Variants in CABIN1 observed in about 807,000 individuals in gnomAD.
CABIN1 encodes calcineurin binding protein 1.
In CABIN1, 133 loss-of-function variants were observed where a neutral mutation model predicts 227.7. The ratio of observed to expected loss-of-function variants is 0.58; its 90% CI spans 0.51 to 0.67. CABIN1 has a LOEUF of 0.67. CABIN1 is among the 30% of genes least tolerant of loss of function. The pLI is 0.00. For synonymous variants in CABIN1, 1,086 were observed against 1,155.1 expected (o/e 0.94, Z 1.21); for missense variants, 2,408 against 2,852.5 (o/e 0.84, Z 3.55).
intron 20 of CABIN1, 108 bp downstream of exon 20, chr22:24,083,497 C>A: frequency 8.0e-7 from 1 of 1,249,894 alleles, no homozygotes; most frequent in Non-Finnish European, 1.2e-6. Context: ...CTTGGAGTTG[C>A]ATCAGAAGGA....
intron 27 of CABIN1, among the ~76,000 whole-genome samples, chr22:24,114,055 GTTT>G (rs2042949991): frequency 7.0e-6 from 1 of 142,346 alleles, no homozygotes; most frequent in East Asian, 2.2e-4. Context: ...AGTGTGCTCT[GTTT>G]TTGTTGTTGT....
At chr22:24,155,997 A>G (rs2045768399) in intron 29 of CABIN1, 2 of 569,730 alleles carry the variant, frequency 3.5e-6, no homozygotes, top group Non-Finnish European at 3.1e-6. Flanking sequence ...GCCGCGAGCG[A>G]GAGAGCGAAC....
rs1397055648 is a variant in CABIN1, at chr22:24,119,495, C to T, written c.4429C>T (p.Leu1477=). 1.2e-6 allele frequency: 2 copies of T among 1,613,990 alleles called. No homozygotes were observed. The highest frequency in any genetic ancestry group is 1.7e-6 in the Non-Finnish European group (2 of 1,180,044). ...CAAGCCCTCAGCATCCACACCCACC[C>T]TGTGGGATGGGAAGAAGAGAGGGGA... ...PGKPSASTPT[L]WDGKKRGDLP... Residue 1477 remains leucine (L), a synonymous_variant, in exon 28 of 37, where the codon CTG becomes TTG. Coordinates refer to ENST00000263119, the MANE Select transcript of CABIN1 (RefSeq NM_012295.4).
intron 19 of CABIN1, among the ~76,000 whole-genome samples, chr22:24,079,518 A>G (rs2040668590): frequency 6.6e-6 from 1 of 152,210 alleles, no homozygotes; most frequent in Non-Finnish European, 1.5e-5. Context: ...TATACTTTTG[A>G]TAGCTGTGTG....
At position 24,059,346 on chromosome 22, in the gene CABIN1, C is replaced by A; in HGVS notation, c.1382C>A (p.Ala461Asp). 4 of 1,614,144 alleles carry A rather than the reference C, an allele frequency of 2.5e-6. No homozygotes were observed. The highest frequency in any genetic ancestry group is 1.3e-5 in the African/African-American group (1 of 75,048). The change falls in exon 11 of 37, where the codon GCC becomes GAC. Residue 461 changes from alanine to aspartate, a missense_variant. Ala to Asp is a moderately radical substitution (Grantham distance 126). Around this residue, in one of 3 missense-constraint regions of CABIN1, gnomAD observed 1,045 missense variants for 1,168.4 expected, o/e 0.89. Coordinates refer to ENST00000263119, the MANE Select transcript of CABIN1 (RefSeq NM_012295.4). ...CCTCAAAGGCTGTCATTTGACTCAG[C>A]CACATTCATGGAATCTGGTAGGAAT... ...IGPQRLSFDS[A>D]TFMESEKQDV... is the part of the protein sequence containing the mutation.
chr22:24,039,266 G>A (rs900931156), intron 4 of CABIN1, among the ~76,000 whole-genome samples: 19 of 152,190 alleles, frequency 1.2e-4, no homozygotes, highest in African/African-American at 4.3e-4. Flanking sequence ...GTTGAGCAGA[G>A]TCTCCTGTAG....
In CABIN1 at chr22:24,116,488, CA is replaced by C. The variant is rs984948005; in HGVS notation, c.4300+2741del. 7.9e-5 allele frequency among the ~76,000 whole-genome samples: 12 copies of C among 152,308 alleles called. No homozygotes were observed. The South Asian group carries it at 2.3e-3, about 29-fold the overall frequency. ...TAAATGGTTGTCGGTGGGGGGAGGCCACCCTGGGGGCAGTTGACCTGCCAAT... is the reference window on the plus strand; with the variant it reads ...TAAATGGTTGTCGGTGGGGGGAGGCCCCCTGGGGGCAGTTGACCTGCCAAT... On this transcript the variant is annotated intron_variant, in intron 27 of 36. Transcript: ENST00000263119.
chr22:24,136,724 A>ATC (rs2044439351), intron 29 of CABIN1, among the ~76,000 whole-genome samples: 1 of 146,080 alleles, frequency 6.8e-6, no homozygotes. Flanking sequence ...CAAACAATAC[A>ATC]TCACACACAC....
At chr22:24,076,043 G>T in intron 18 of CABIN1, 126 bp from the exon 19 acceptor site, 1 of 660,896 alleles carries the variant, frequency 1.5e-6, no homozygotes, top group Non-Finnish European at 2.7e-6. Flanking sequence ...AAAAGGGAAA[G>T]GAAAAGTCTG....
intron 9 of CABIN1, among the ~76,000 whole-genome samples, chr22:24,055,582 T>A (rs2038731539): frequency 6.6e-6 from 1 of 152,220 alleles, no homozygotes. Flanking sequence ...GTCAGCAAAG[T>A]TACCAACCAC....
chr22:24,164,435 G>A lies in CABIN1; in HGVS notation c.4782G>A (p.Arg1594=), dbSNP rs749859861. The part of the protein sequence containing the change: ...IWRIPVDEID[R]PGSFAWHMNR... ...GGATCCCCGTGGACGAGATTGACCG[G>A]CCGGGCAGCTTTGCCTGGCACATGA... Residue 1594 remains arginine, a synonymous_variant, in exon 30 of 37, where the codon CGG becomes CGA. Coordinates refer to ENST00000263119, the MANE Select transcript of CABIN1 (RefSeq NM_012295.4). 1.9e-5 allele frequency: 31 copies of A among 1,605,140 alleles called. 1 individual carries two copies. The South Asian group carries it at 3.3e-4, about 17-fold the overall frequency.
At chr22:24,168,378 A>G in intron 32 of CABIN1, 69 bp from the exon 33 acceptor site, 1 of 1,476,064 alleles carries the variant, frequency 6.8e-7, no homozygotes, top group Non-Finnish European at 9.3e-7. Context: ...TGCTACATAC[A>G]CAGACAGGGC....
At chr22:24,107,761 A>G (rs77975308) in intron 26 of CABIN1, among the ~76,000 whole-genome samples, 98 of 152,302 alleles carry the variant, frequency 6.4e-4, no homozygotes, top group African/African-American at 1.8e-3. Flanking sequence ...CAAATTGGCA[A>G]TTCCTTTAGG....
In CABIN1 at chr22:24,178,232, A is replaced by G. The variant is rs766351635; in HGVS notation, c.*36A>G. 83 of 1,611,074 alleles carry G rather than the reference A, an allele frequency of 5.2e-5. No homozygotes were observed. Among genetic ancestry groups the G allele is most frequent in the Non-Finnish European group, 6.9e-5 (81 of 1,179,390 alleles). On this transcript the variant is annotated 3_prime_UTR_variant, in exon 37 of 37. Coordinates refer to ENST00000263119, the MANE Select transcript of CABIN1 (RefSeq NM_012295.4). ...CAGCCCCACCGCCACGCCCCAGGGG[A>G]CCAGCCAGGCCTGGAATGCCCCCTG... is the stretch of plus-strand genomic sequence containing the variant.
At chr22:24,045,622 T>A (rs1425076075) in intron 6 of CABIN1, among the ~76,000 whole-genome samples, 4 of 151,226 alleles carry the variant, frequency 2.6e-5, no homozygotes, top group Non-Finnish European at 4.4e-5. Context: ...AAAAAAAAAA[T>A]TTGTTTCCAC....
intron 3 of CABIN1, among the ~76,000 whole-genome samples, chr22:24,038,070 A>C (rs1490934974): frequency 6.6e-6 from 1 of 152,170 alleles, no homozygotes; most frequent in Non-Finnish European, 1.5e-5. Context: ...CAGCACCTTG[A>C]TGTTGTTCAC....
At chr22:24,039,004 A>C (rs2037145590) in intron 4 of CABIN1, among the ~76,000 whole-genome samples, 1 of 152,216 alleles carries the variant, frequency 6.6e-6, no homozygotes, top group Non-Finnish European at 1.5e-5. Flanking sequence ...GGGCAGGCAG[A>C]GCAAGACCTG....
At chr22:24,103,355 T>C (rs2042325013) in intron 26 of CABIN1, 1 of 152,206 alleles carries the variant, frequency 6.6e-6, no homozygotes, top group Non-Finnish European at 1.5e-5. Context: ...GGCAACAGAC[T>C]CTAACATACC....
chr22:24,126,427 C>A (rs1195302119), intron 28 of CABIN1, among the ~76,000 whole-genome samples: 2 of 152,138 alleles, frequency 1.3e-5, no homozygotes. Flanking sequence ...CAGATGGACA[C>A]ACACCCAAAA....
Sources: allele counts gnomAD v4.1 joint callset (sites outside exome capture counted in the v4.1 genomes callset), GRCh38; gene constraint gnomAD v4.1.1; regional missense constraint gnomAD v4.1.1; transcripts MANE v1.5; gene names NCBI Gene and HGNC (gene_info 2026-07-23, HGNC 2026-07-21).